The following CBL variants were observed in gnomAD, a reference collection of about 807,000 sequenced individuals.
CBL encodes Cbl proto-oncogene, also known as E3 ubiquitin-protein ligase CBL.
Under a neutral mutation model 96.9 loss-of-function variants are expected in CBL, and 45 were observed. The ratio of observed to expected loss-of-function variants is 0.46; its 90% CI spans 0.37 to 0.60. The LOEUF (loss-of-function observed/expected upper bound fraction) is 0.60. Ranked by LOEUF, CBL falls within the 20% of genes least tolerant of loss-of-function variation. The pLI, the probability that CBL is intolerant of heterozygous loss-of-function variation, is 0.00. For missense variants in CBL, 1,024 were observed against 1,143.5 expected (o/e 0.90, Z 1.51); for synonymous variants, 420 against 426.8 (o/e 0.98, Z 0.20).
chr11:119,244,841 C>G (rs73566752), intron 2 of CBL, among the ~76,000 whole-genome samples: 2,269 of 152,004 alleles, frequency 0.015, 50 homozygotes, highest in African/African-American at 0.051. Flanking sequence ...TGTGAGCCAG[C>G]ATGGTTGGCC....
In CBL at chr11:119,232,606, T is replaced by C. The variant is rs1289071252; in HGVS notation, c.354T>C (p.Phe118=). 1.2e-6 allele frequency: 2 copies of C among 1,614,096 alleles called. No homozygotes were observed. Among genetic ancestry groups the C allele is most frequent in the Non-Finnish European group, 8.5e-7 (1 of 1,179,958 alleles). ...TLGENEYFRV[F]MENLMKKTKQ... ...GAGAAAATGAGTATTTTAGGGTGTT[T>C]ATGGAGAATTTGATGAAGAAAACTA... Residue 118 remains phenylalanine (F), a synonymous_variant, in exon 2 of 16, where the codon TTT becomes TTC. Coordinates refer to ENST00000264033, the MANE Select transcript of CBL (RefSeq NM_005188.4).
chr11:119,293,036 G>A (rs1444192703), intron 12 of CBL, among the ~76,000 whole-genome samples: 1 of 152,098 alleles, frequency 6.6e-6, no homozygotes, highest in African/African-American at 2.4e-5. Context: ...TTGTAAGTTG[G>A]GGATGTCTGT....
chr11:119,299,813 C>A lies in CBL; in HGVS notation c.*32C>A. ...ATCTCCCTGCTGCAGGTTTAGAGGA[C>A]CAGTGAGTTGGGAGTTATTACTCAA... On this transcript the variant is annotated 3_prime_UTR_variant, in exon 16 of 16. Coordinates refer to ENST00000264033, the MANE Select transcript of CBL (RefSeq NM_005188.4). 2.5e-6 allele frequency: 4 copies of A among 1,608,946 alleles called. No individual in the cohort carries two copies. The highest frequency in any genetic ancestry group is 3.4e-6 in the Non-Finnish European group (4 of 1,177,064).
chr11:119,248,887 A>G (rs898238724), intron 2 of CBL, among the ~76,000 whole-genome samples: 30 of 152,220 alleles, frequency 2.0e-4, no homozygotes, highest in African/African-American at 7.0e-4. Flanking sequence ...GATGCTCAAC[A>G]TCATTAAATC....
At chr11:119,223,788 A>C (rs942592343) in intron 1 of CBL, among the ~76,000 whole-genome samples, 1 of 151,740 alleles carries the variant, frequency 6.6e-6, no homozygotes, top group Admixed American at 6.6e-5. Context: ...CACCACACTC[A>C]GCTAATTTTT....
intron 9 of CBL, among the ~76,000 whole-genome samples, chr11:119,284,256 TTTG>T (rs1181765457): frequency 5.9e-5 from 9 of 152,132 alleles, no homozygotes; most frequent in Non-Finnish European, 1.2e-4. Flanking sequence ...TCCCAGGTAC[TTTG>T]TTAAGAGGTT....
intron 1 of CBL, among the ~76,000 whole-genome samples, chr11:119,224,000 T>C (rs566963381): frequency 6.6e-6 from 1 of 152,110 alleles, no homozygotes; most frequent in Non-Finnish European, 1.5e-5. Flanking sequence ...GAGGTCTGTG[T>C]TAGTGTTCCA....
At chr11:119,221,498 T>G (rs1490341817) in intron 1 of CBL, among the ~76,000 whole-genome samples, 1 of 152,086 alleles carries the variant, frequency 6.6e-6, no homozygotes, top group Non-Finnish European at 1.5e-5. Context: ...CTGGGCACAG[T>G]GGCTCACGTC....
intron 2 of CBL, among the ~76,000 whole-genome samples, chr11:119,238,522 G>GT (rs1949562081): frequency 6.6e-6 from 1 of 151,224 alleles, no homozygotes; most frequent in Non-Finnish European, 1.5e-5. Flanking sequence ...TAAATACAAT[G>GT]TTTTCTTATC....
intron 1 of CBL, among the ~76,000 whole-genome samples, chr11:119,209,455 TAA>T (rs1398587922): frequency 1.3e-5 from 2 of 152,026 alleles, no homozygotes; most frequent in Non-Finnish European, 2.9e-5. Context: ...CTGCCTCTAC[TAA>T]AAAATACAAA....
chr11:119,299,788 A>G lies in CBL; in HGVS notation c.*7A>G. 1 of 1,613,710 alleles carries G rather than the reference A, an allele frequency of 6.2e-7. No homozygotes were observed. The highest frequency in any genetic ancestry group is 8.5e-7 in the Non-Finnish European group (1 of 1,179,878). The stretch of plus-strand genomic sequence containing the variant: ...TGCCCATGTAGCTACCTAGCACACC[A>G]TCTCCCTGCTGCAGGTTTAGAGGAC... On this transcript the variant is annotated 3_prime_UTR_variant, in exon 16 of 16. Transcript: ENST00000264033.
In CBL at chr11:119,226,522, G is replaced by A. The variant is rs866722023; in HGVS notation, c.196-5926G>A. On this transcript the variant is annotated intron_variant, in intron 1 of 15. Coordinates refer to ENST00000264033, the MANE Select transcript of CBL (RefSeq NM_005188.4). ...TTTTTTGAGATGGGGTCTGTGGCAT[G>A]TCTCAGCTCACTGCAACCTCCTCCT... Among the ~76,000 whole-genome samples, 8 of 151,852 alleles carry A rather than the reference G, an allele frequency of 5.3e-5. No individual in the cohort carries two copies. In the South Asian group the frequency reaches 6.2e-4, roughly 12 times the overall value.
chr11:119,288,725 T>C (rs763690087), intron 12 of CBL, among the ~76,000 whole-genome samples: 3 of 152,164 alleles, frequency 2.0e-5, no homozygotes, highest in Non-Finnish European at 4.4e-5. Flanking sequence ...ATATGAAAAG[T>C]TGGCCCTCCC....
intron 1 of CBL, among the ~76,000 whole-genome samples, chr11:119,221,282 G>A (rs1381588657): frequency 2.0e-5 from 3 of 151,268 alleles, no homozygotes; most frequent in Admixed American, 6.6e-5. Flanking sequence ...GCTGGGCACC[G>A]TGGCACATCC....
chr11:119,284,207 A>G (rs900538527), intron 9 of CBL, among the ~76,000 whole-genome samples: 2 of 151,998 alleles, frequency 1.3e-5, no homozygotes, highest in Admixed American at 6.6e-5. Flanking sequence ...ATTCACCGTC[A>G]TCGATCTCTT....
intron 14 of CBL, 102 bp from the exon 15 acceptor site, chr11:119,298,256 T>A: frequency 2.0e-6 from 2 of 1,007,392 alleles, no homozygotes; most frequent in Non-Finnish European, 3.2e-6. Flanking sequence ...TTGAATGAGA[T>A]AAATGATTGC....
intron 1 of CBL, among the ~76,000 whole-genome samples, chr11:119,229,853 G>T (rs973850515): frequency 4.7e-5 from 7 of 150,406 alleles, no homozygotes; most frequent in African/African-American, 1.7e-4. Flanking sequence ...TCAGCCTCCC[G>T]AGTAGCTGGA....
intron 2 of CBL, among the ~76,000 whole-genome samples, chr11:119,254,929 A>G (rs1424910328): frequency 6.6e-6 from 1 of 152,128 alleles, no homozygotes; most frequent in Non-Finnish European, 1.5e-5. Context: ...ACTTGTTCTC[A>G]GTAGATTCAT....
At position 119,301,502 on chromosome 11, in the gene CBL, C is replaced by T. The variant is rs570662414; in HGVS notation, c.*1721C>T. The T allele has an allele frequency of 4.3e-6, 1 of 233,266 alleles. No homozygotes were observed. The highest frequency in any genetic ancestry group is 2.2e-5 in the African/African-American group (1 of 45,464). 14.4% of individuals were successfully genotyped at this position (233,266 alleles called of 1,614,324 possible). A position where few individuals can be genotyped will look rare whatever the true frequency, so the allele number is the denominator to read the frequency against. ...TCATGCTTTTGTCTTTAGATCTACA[C>T]AGAAATGACCCTCCTTGGATCAGTT... On this transcript the variant is annotated 3_prime_UTR_variant, in exon 16 of 16. Coordinates refer to ENST00000264033, the MANE Select transcript of CBL (RefSeq NM_005188.4).
Sources: gnomAD v4.1 joint callset for allele counts (sites outside exome capture counted in the v4.1 genomes callset) on GRCh38, gnomAD v4.1.1 for gene constraint, MANE v1.5 for transcripts, NCBI Gene and HGNC (gene_info 2026-07-23, HGNC 2026-07-21) for gene names.